The following FANK1 variants were observed in gnomAD, a reference collection of about 807,000 sequenced individuals.
FANK1 encodes fibronectin type III and ankyrin repeat domains 1.
In FANK1, 44 loss-of-function variants were observed where a neutral mutation model predicts 45.3. That is an observed-to-expected ratio of 0.97 (90% CI 0.76 to 1.25). FANK1 has a LOEUF of 1.25. Ranked by LOEUF, FANK1 falls within the 50% of genes most tolerant of loss-of-function variation. FANK1 has a pLI of 0.00. For synonymous variants in FANK1, 149 were observed against 152.5 expected (o/e 0.98, Z 0.17); for missense variants, 391 against 424.4 (o/e 0.92, Z 0.69).
At chr10:125,933,639 G>T (rs1947892318) in intron 1 of FANK1, among the ~76,000 whole-genome samples, 1 of 151,874 alleles carries the variant, frequency 6.6e-6, no homozygotes, top group South Asian at 2.1e-4. Flanking sequence ...ATTTAGTTCT[G>T]CTCGGATCTT....
chr10:125,976,397 G>T (rs2134197143), intron 1 of FANK1, among the ~76,000 whole-genome samples: 1 of 152,322 alleles, frequency 6.6e-6, no homozygotes, highest in South Asian at 2.1e-4. Flanking sequence ...ATGATATCTA[G>T]GAATATATTT....
In FANK1 at chr10:125,919,225, T is replaced by A. The variant is rs12773703; in HGVS notation, c.13+22570T>A. ...TTTTTTTTTTTTTTTTTTTTTTTTG[T>A]GACAGAGTCTTGCTCTGTCCCGCAG... On this transcript the variant is annotated intron_variant, in intron 1 of 10. Transcript: ENST00000368693. 3.3e-3 allele frequency among the ~76,000 whole-genome samples: 409 copies of A among 125,466 alleles called. 1 individual carries two copies. The highest frequency in any genetic ancestry group is 5.9e-3 in the African/African-American group (174 of 29,706). The allele number at this position is 125,466 out of a possible 152,430, so 82.3% of individuals were successfully genotyped here. A position where few individuals can be genotyped will look rare whatever the true frequency, so the allele number is the denominator to read the frequency against.
At chr10:125,955,310 C>T (rs1394558966) in intron 1 of FANK1, among the ~76,000 whole-genome samples, 4 of 151,968 alleles carry the variant, frequency 2.6e-5, no homozygotes, top group African/African-American at 9.7e-5. Context: ...CCCCATGTGA[C>T]CATGTGTTCT....
chr10:125,967,248 G>A (rs1018543992), intron 1 of FANK1, among the ~76,000 whole-genome samples: 4 of 152,150 alleles, frequency 2.6e-5, no homozygotes, highest in Non-Finnish European at 4.4e-5. Flanking sequence ...AGGGCACGCC[G>A]CTGGAGTTGG....
chr10:125,958,689 G>GT lies in FANK1; in HGVS notation c.14-21471dup, dbSNP rs375246874. On this transcript the variant is annotated intron_variant, in intron 1 of 10. Coordinates refer to ENST00000368693, the MANE Select transcript of FANK1 (RefSeq NM_145235.5). Reference sequence around the variant, plus strand: ...TTGATAATAGCCATCCTCCAGTGAGGTGATACCTCACTGTGATTTAGAGTT... The same window carrying GT: ...TTGATAATAGCCATCCTCCAGTGAGGTTGATACCTCACTGTGATTTAGAGTT... 3.2e-3 allele frequency among the ~76,000 whole-genome samples: 483 copies of GT among 152,198 alleles called. 2 individuals carry two copies. Among genetic ancestry groups the GT allele is most frequent in the African/African-American group, 0.011 (459 of 41,542 alleles).
chr10:125,965,674 C>G (rs1358037405), intron 1 of FANK1, among the ~76,000 whole-genome samples: 1 of 152,222 alleles, frequency 6.6e-6, no homozygotes, highest in African/African-American at 2.4e-5. Context: ...AAATTGAGAA[C>G]ACCCCATCAT....
chr10:125,943,771 G>T (rs1948603574), intron 1 of FANK1, among the ~76,000 whole-genome samples: 2 of 152,180 alleles, frequency 1.3e-5, no homozygotes, highest in East Asian at 1.9e-4. Flanking sequence ...TGAATACTAA[G>T]TTGGCATGGG....
intron 1 of FANK1, among the ~76,000 whole-genome samples, chr10:125,909,261 G>T (rs1414656664): frequency 5.3e-5 from 8 of 152,154 alleles, no homozygotes; most frequent in Non-Finnish European, 1.2e-4. Flanking sequence ...ATATGAGAGA[G>T]AACTACACAA....
chr10:125,986,554 C>G (rs1349732385), intron 2 of FANK1, among the ~76,000 whole-genome samples: 1 of 151,840 alleles, frequency 6.6e-6, no homozygotes, highest in Non-Finnish European at 1.5e-5. Flanking sequence ...CTTCTGCGCC[C>G]TGACTCACCG....
chr10:125,922,766 G>A (rs1057352119), intron 1 of FANK1, among the ~76,000 whole-genome samples: 2 of 152,040 alleles, frequency 1.3e-5, no homozygotes, highest in African/African-American at 2.4e-5. Context: ...CCTCTCACTC[G>A]GGCCTCCCAA....
At chr10:125,918,141 G>C (rs1024271273) in intron 1 of FANK1, among the ~76,000 whole-genome samples, 4 of 151,188 alleles carry the variant, frequency 2.6e-5, no homozygotes, top group South Asian at 4.2e-4. Context: ...AGGAATGAGG[G>C]CTTATTGCTT....
intron 1 of FANK1, among the ~76,000 whole-genome samples, chr10:125,931,487 A>G (rs1178140911): frequency 2.0e-5 from 3 of 152,060 alleles, no homozygotes; most frequent in African/African-American, 7.2e-5. Flanking sequence ...GCATTTTTTC[A>G]TATATTAGTT....
intron 1 of FANK1, among the ~76,000 whole-genome samples, chr10:125,924,031 G>T (rs113653190): frequency 1.3e-5 from 2 of 149,542 alleles, no homozygotes; most frequent in Non-Finnish European, 3.0e-5. Context: ...TGGGAGGATC[G>T]CTTGAGCCTG....
chr10:125,924,441 A>T lies in FANK1; in HGVS notation c.13+27786A>T, dbSNP rs1358420933. On this transcript the variant is annotated intron_variant, in intron 1 of 10. Coordinates refer to ENST00000368693, the MANE Select transcript of FANK1 (RefSeq NM_145235.5). ...CCTAATTTTTGTATTTTTAGTAGAGATGGGGTTTTACCACGTTGGGCAGGA... is the reference window on the plus strand; with the variant it reads ...CCTAATTTTTGTATTTTTAGTAGAGTTGGGGTTTTACCACGTTGGGCAGGA... Among the ~76,000 whole-genome samples, 2 of 151,532 alleles carry T rather than the reference A, an allele frequency of 1.3e-5. 1 individual carries two copies. The highest frequency in any genetic ancestry group is 4.2e-4 in the South Asian group (2 of 4,812).
intron 1 of FANK1, among the ~76,000 whole-genome samples, chr10:125,947,069 A>AT (rs1463619844): frequency 7.0e-6 from 1 of 141,868 alleles, no homozygotes; most frequent in African/African-American, 2.6e-5. Flanking sequence ...ATGCTGAGAG[A>AT]TTTTGTCACC....
At chr10:125,941,833 C>T (rs974278952) in intron 1 of FANK1, among the ~76,000 whole-genome samples, 12 of 152,218 alleles carry the variant, frequency 7.9e-5, no homozygotes, top group African/African-American at 2.9e-4. Context: ...ATTGTAGCAG[C>T]AAAGCCAAAC....
intron 1 of FANK1, among the ~76,000 whole-genome samples, chr10:125,915,276 T>TTAGA (rs57143566): frequency 6.6e-6 from 1 of 151,024 alleles, no homozygotes; most frequent in African/African-American, 2.4e-5. Flanking sequence ...GATATAAATG[T>TTAGA]TATTTTATTA....
intron 1 of FANK1, among the ~76,000 whole-genome samples, chr10:125,908,198 G>A (rs1382715881): frequency 2.6e-5 from 4 of 152,224 alleles, no homozygotes; most frequent in African/African-American, 9.6e-5. Flanking sequence ...GTTTCTGCAT[G>A]TTGGTCAGGC....
intron 6 of FANK1, among the ~76,000 whole-genome samples, chr10:126,002,291 G>A (rs1217238596): frequency 2.0e-5 from 3 of 150,616 alleles, no homozygotes; most frequent in African/African-American, 7.3e-5. Context: ...CAGCCTGGGC[G>A]ATAGAGTGAG....
Sources: gnomAD v4.1 joint callset for allele counts (sites outside exome capture counted in the v4.1 genomes callset) on GRCh38, gnomAD v4.1.1 for gene constraint, MANE v1.5 for transcripts, NCBI Gene and HGNC (gene_info 2026-07-23, HGNC 2026-07-21) for gene names.